PYROXD1: variants seen among roughly 807,000 people sequenced by gnomAD.
PYROXD1 encodes pyridine nucleotide-disulphide oxidoreductase domain 1, also known as tRNA ligase complex-associated NAD(P)H dehydrogenase PYROXD1.
In PYROXD1, 42 loss-of-function variants were observed where a neutral mutation model predicts 62.0. The ratio of observed to expected loss-of-function variants is 0.68; its 90% CI spans 0.53 to 0.88. The LOEUF (loss-of-function observed/expected upper bound fraction) is 0.88. Among genes scored for constraint, PYROXD1 ranks in the 40% least tolerant of loss-of-function variants. The pLI is 0.00. For synonymous variants in PYROXD1, 170 were observed against 206.4 expected (o/e 0.82, Z 1.51); for missense variants, 493 against 604.8 (o/e 0.82, Z 1.94).
intron 5 of PYROXD1, among the ~76,000 whole-genome samples, chr12:21,453,870 A>G (rs1942547408): frequency 6.6e-6 from 1 of 152,080 alleles, no homozygotes; most frequent in Non-Finnish European, 1.5e-5. Flanking sequence ...CAGTTTTTCA[A>G]AAAGAAAGCA....
At position 21,437,676 on chromosome 12, in the gene PYROXD1, CCA is replaced by C. The variant is rs138292380; in HGVS notation, c.-54_-53del. ...TCGCGGCTGCTTCCTCTCCTGGAGTCCAGAGTCCCGTTGCTCCGCCGCGATAT... is the reference window on the plus strand; with the variant it reads ...TCGCGGCTGCTTCCTCTCCTGGAGTCGAGTCCCGTTGCTCCGCCGCGATAT... On this transcript the variant is annotated 5_prime_UTR_variant, in exon 1 of 12. Transcript: ENST00000240651. 3,411 of 1,550,036 alleles carry C rather than the reference CCA, an allele frequency of 2.2e-3. 36 individuals are homozygous for C. The African/African-American group carries it at 0.023, about 11-fold the overall frequency.
At chr12:21,451,244 TA>T (rs1942491949) in intron 4 of PYROXD1, among the ~76,000 whole-genome samples, 1 of 150,962 alleles carries the variant, frequency 6.6e-6, no homozygotes, top group African/African-American at 2.4e-5. Flanking sequence ...TTTTTTAATA[TA>T]TCTATATTTA....
intron 3 of PYROXD1, among the ~76,000 whole-genome samples, chr12:21,446,435 G>A (rs191713032): frequency 4.9e-4 from 75 of 151,714 alleles, no homozygotes; most frequent in East Asian, 4.9e-3. Context: ...AAAAAAAAGA[G>A]AGAAGTTGAG....
intron 3 of PYROXD1, among the ~76,000 whole-genome samples, chr12:21,448,718 C>T (rs759610926): frequency 2.0e-4 from 30 of 152,268 alleles, no homozygotes; most frequent in Non-Finnish European, 3.4e-4. Flanking sequence ...CTAAATCATT[C>T]GAACAAAGTT....
chr12:21,447,110 C>T (rs17682270), intron 3 of PYROXD1, among the ~76,000 whole-genome samples: 7,776 of 152,150 alleles, frequency 0.051, 232 homozygotes, highest in African/African-American at 0.073. Context: ...AGATGATTTA[C>T]AGTATCCTCA....
At chr12:21,453,080 G>C (rs567483401) in intron 5 of PYROXD1, among the ~76,000 whole-genome samples, 43 of 152,064 alleles carry the variant, frequency 2.8e-4, no homozygotes, top group African/African-American at 9.9e-4. Flanking sequence ...GGGCCAAGAG[G>C]GAAGAGGTAT....
chr12:21,461,242 T>A, intron 8 of PYROXD1, 88 bp downstream of exon 8: 1 of 817,844 alleles, frequency 1.2e-6, no homozygotes, highest in Non-Finnish European at 1.8e-6. Context: ...AAAAATAACT[T>A]CGTATTTCCA....
chr12:21,452,510 T>C (rs1942519676), intron 5 of PYROXD1, among the ~76,000 whole-genome samples: 1 of 152,126 alleles, frequency 6.6e-6, no homozygotes, highest in African/African-American at 2.4e-5. Context: ...TTTCTAGTGA[T>C]AGCCCTCACC....
At chr12:21,460,828 G>C (rs1942683616) in intron 7 of PYROXD1, 197 bp from the exon 8 acceptor site, 1 of 350,186 alleles carries the variant, frequency 2.9e-6, no homozygotes. Flanking sequence ...GATCTCTTAA[G>C]TTACTGAATG....
At chr12:21,437,879 T>C in intron 1 of PYROXD1, 65 bp downstream of exon 1, 7 of 1,384,720 alleles carry the variant, frequency 5.1e-6, no homozygotes, top group Non-Finnish European at 7.0e-6. Context: ...ACTGGAGGCC[T>C]TCCTCCCACC....
At position 21,452,165 on chromosome 12, in the gene PYROXD1, A is replaced by G. The variant is rs1443866159; in HGVS notation, c.488+11A>G. The G allele has an allele frequency of 7.0e-7, 1 of 1,433,264 alleles. No individual in the cohort carries two copies. The highest frequency in any genetic ancestry group is 9.4e-7 in the Non-Finnish European group (1 of 1,065,992). 88.8% of individuals were successfully genotyped at this position (1,433,264 alleles called of 1,614,324 possible). ...TGCACTTGAGTTAGTGTAAGTATAT[A>G]TTTTTAAATATGATAACATTTAAAT... is the stretch of plus-strand genomic sequence containing the variant. On this transcript the variant is annotated intron_variant, in intron 5 of 11. Transcript: ENST00000240651.
At chr12:21,467,162 A>C (rs1312554829) in intron 10 of PYROXD1, 1 of 188,426 alleles carries the variant, frequency 5.3e-6, no homozygotes, top group Non-Finnish European at 1.1e-5. Context: ...GTGATGACAA[A>C]TTTTTGAAGA....
intron 10 of PYROXD1, among the ~76,000 whole-genome samples, chr12:21,466,889 C>T (rs886839755): frequency 9.2e-5 from 14 of 151,870 alleles, no homozygotes; most frequent in Admixed American, 2.6e-4. Flanking sequence ...TGTCAAAGGC[C>T]GTGTTCTTTT....
chr12:21,446,031 G>A (rs1001592681), intron 3 of PYROXD1, among the ~76,000 whole-genome samples: 1 of 152,142 alleles, frequency 6.6e-6, no homozygotes, highest in Non-Finnish European at 1.5e-5. Context: ...GAATAGAGAT[G>A]TCAAAGGGAT....
chr12:21,466,496 G>T (rs544043022), intron 10 of PYROXD1, among the ~76,000 whole-genome samples: 1 of 152,112 alleles, frequency 6.6e-6, no homozygotes, highest in African/African-American at 2.4e-5. Flanking sequence ...GAATGCTTGT[G>T]ATTTTTGCAC....
intron 2 of PYROXD1, among the ~76,000 whole-genome samples, chr12:21,443,038 G>A (rs1942325736): frequency 6.6e-6 from 1 of 152,102 alleles, no homozygotes; most frequent in Admixed American, 6.6e-5. Flanking sequence ...ATGGGGGAAT[G>A]AAGGCTGGTA....
At chr12:21,440,781 A>G (rs1942279003) in intron 2 of PYROXD1, among the ~76,000 whole-genome samples, 1 of 152,196 alleles carries the variant, frequency 6.6e-6, no homozygotes, top group African/African-American at 2.4e-5. Context: ...TTCTCCATTC[A>G]ATATATTATT....
chr12:21,457,462 C>A (rs1942619226), intron 7 of PYROXD1, among the ~76,000 whole-genome samples: 1 of 147,790 alleles, frequency 6.8e-6, no homozygotes, highest in African/African-American at 2.5e-5. Context: ...AGCAGTAGGT[C>A]TCAATGGTGG....
In PYROXD1 at chr12:21,446,357, G is replaced by A. The variant is rs192973678; in HGVS notation, c.285+891G>A. Among the ~76,000 whole-genome samples, 115 of 152,122 alleles carry A rather than the reference G, an allele frequency of 7.6e-4. 3 individuals carry two copies. Among genetic ancestry groups the A allele is most frequent in the Non-Finnish European group, 1.1e-3 (72 of 67,994 alleles). Reference sequence around the variant, plus strand: ...GGAGAATGGCGTGAACCCGGGAGGCGGAGCTTGCAGTGAGCCCAGATCGCA... The same window carrying A: ...GGAGAATGGCGTGAACCCGGGAGGCAGAGCTTGCAGTGAGCCCAGATCGCA... On this transcript the variant is annotated intron_variant, in intron 3 of 11. Transcript: ENST00000240651.
Sources: gnomAD v4.1 joint callset for allele counts (sites outside exome capture counted in the v4.1 genomes callset) on GRCh38, gnomAD v4.1.1 for gene constraint, MANE v1.5 for transcripts, NCBI Gene and HGNC (gene_info 2026-07-23, HGNC 2026-07-21) for gene names.